MEIS2: variants seen among roughly 807,000 people sequenced by gnomAD.
The protein encoded by MEIS2 is homeobox protein Meis2.
MEIS2 carries 9 observed loss-of-function variants against 58.6 expected under a neutral mutation model. The observed-to-expected ratio is 0.15, with a 90% CI of 0.09 to 0.27. MEIS2 has a LOEUF of 0.27. Ranked by LOEUF, MEIS2 falls within the 10% of genes least tolerant of loss-of-function variation. MEIS2 has a pLI of 1.00. For synonymous variants in MEIS2, 221 were observed against 228.4 expected, an observed-to-expected ratio of 0.97 and a Z score of 0.29; for missense variants, 427 against 635.0, an observed-to-expected ratio of 0.67 and a Z score of 3.52.
At chr15:37,049,270 A>C (rs1373651364) in intron 7 of MEIS2, among the ~76,000 whole-genome samples, 2 of 152,210 alleles carry the variant, frequency 1.3e-5, no homozygotes, top group Non-Finnish European at 2.9e-5. Flanking sequence ...GCAGACACTG[A>C]GGCCCTATAA....
chr15:36,934,363 T>C lies in MEIS2; in HGVS notation c.977+15961A>G, dbSNP rs191404261. 2.6e-5 allele frequency among the ~76,000 whole-genome samples: 4 copies of C among 150,944 alleles called. No homozygotes were observed. The Admixed American group carries it at 2.7e-4, about 10-fold the overall frequency. On this transcript the variant is annotated intron_variant, in intron 9 of 11. Coordinates refer to ENST00000561208, the MANE Select transcript of MEIS2 (RefSeq NM_170675.5). ...AGCTTTAACATTCAAAGGAGGGAGGTAGGGGGAAAAGAAGCTTTTTTAAGT... is the reference window on the plus strand; with the variant it reads ...AGCTTTAACATTCAAAGGAGGGAGGCAGGGGGAAAAGAAGCTTTTTTAAGT...
At chr15:36,986,657 C>T (rs1382120216) in intron 8 of MEIS2, among the ~76,000 whole-genome samples, 1 of 152,200 alleles carries the variant, frequency 6.6e-6, no homozygotes, top group Non-Finnish European at 1.5e-5. Flanking sequence ...CTTCCTTTCT[C>T]AGAGGACCGA....
chr15:37,021,508 A>T (rs1176448163), intron 8 of MEIS2, among the ~76,000 whole-genome samples: 1 of 152,202 alleles, frequency 6.6e-6, no homozygotes, highest in Non-Finnish European at 1.5e-5. Context: ...TTCCAATGTT[A>T]TCCATCTCTA....
intron 8 of MEIS2, among the ~76,000 whole-genome samples, chr15:36,983,148 T>G (rs2059984425): frequency 6.6e-6 from 1 of 152,130 alleles, no homozygotes; most frequent in South Asian, 2.1e-4. Flanking sequence ...CCTGTTTAGT[T>G]TGATGCAATT....
At chr15:37,027,890 C>G (rs1202309615) in intron 8 of MEIS2, among the ~76,000 whole-genome samples, 1 of 152,058 alleles carries the variant, frequency 6.6e-6, no homozygotes, top group African/African-American at 2.4e-5. Flanking sequence ...TATCAACACC[C>G]CCTACCGGAG....
chr15:37,034,633 C>A (rs558093934), intron 8 of MEIS2, among the ~76,000 whole-genome samples: 1 of 152,304 alleles, frequency 6.6e-6, no homozygotes, highest in African/African-American at 2.4e-5. Flanking sequence ...GTATTAAGGG[C>A]TCCTGACACT....
At chr15:36,932,698 T>C (rs930094579) in intron 9 of MEIS2, among the ~76,000 whole-genome samples, 1 of 151,918 alleles carries the variant, frequency 6.6e-6, no homozygotes, top group African/African-American at 2.4e-5. Flanking sequence ...GTCTTCTGTC[T>C]GTCTATATGT....
intron 8 of MEIS2, among the ~76,000 whole-genome samples, chr15:37,004,879 G>T (rs2060860348): frequency 6.6e-6 from 1 of 152,284 alleles, no homozygotes; most frequent in South Asian, 2.1e-4. Flanking sequence ...AATGTTTGAG[G>T]TGATGGATAT....
chr15:37,094,086 G>T (rs946806831), intron 5 of MEIS2: 2 of 234,728 alleles, frequency 8.5e-6, no homozygotes, highest in South Asian at 1.5e-4. Flanking sequence ...GAGCATTAAC[G>T]TTTGTGATTT....
intron 9 of MEIS2, among the ~76,000 whole-genome samples, chr15:36,944,155 T>C (rs2058473596): frequency 6.6e-6 from 1 of 152,058 alleles, no homozygotes; most frequent in South Asian, 2.1e-4. Context: ...TGGTATGCCA[T>C]GTGTCAATGC....
At chr15:37,082,556 A>T (rs781542939) in intron 7 of MEIS2, among the ~76,000 whole-genome samples, 2 of 152,130 alleles carry the variant, frequency 1.3e-5, no homozygotes, top group Non-Finnish European at 2.9e-5. Flanking sequence ...CTTATAATTT[A>T]CTTATCTTTT....
intron 8 of MEIS2, among the ~76,000 whole-genome samples, chr15:37,013,166 G>A (rs1412596265): frequency 3.3e-5 from 5 of 152,128 alleles, no homozygotes; most frequent in Non-Finnish European, 7.3e-5. Context: ...GTGCCAGATG[G>A]CACCTTACAG....
chr15:36,999,554 C>G (rs539154712), intron 8 of MEIS2, among the ~76,000 whole-genome samples: 49 of 152,304 alleles, frequency 3.2e-4, no homozygotes, highest in African/African-American at 1.2e-3. Flanking sequence ...ATGGTAGCAA[C>G]TTGACCCATC....
At chr15:37,027,823 G>C (rs765420265) in intron 8 of MEIS2, among the ~76,000 whole-genome samples, 6 of 151,738 alleles carry the variant, frequency 4.0e-5, no homozygotes, top group Non-Finnish European at 7.4e-5. Flanking sequence ...AAAACTGAGA[G>C]GAAGGTACAG....
chr15:36,931,951 T>G (rs1004007844), intron 9 of MEIS2, among the ~76,000 whole-genome samples: 1 of 152,176 alleles, frequency 6.6e-6, no homozygotes, highest in African/African-American at 2.4e-5. Context: ...AGAGGGACGC[T>G]AAGGTGGTGA....
At chr15:37,025,192 A>G (rs1235970189) in intron 8 of MEIS2, among the ~76,000 whole-genome samples, 2 of 152,216 alleles carry the variant, frequency 1.3e-5, no homozygotes, top group Non-Finnish European at 2.9e-5. Flanking sequence ...AACTATTTCA[A>G]TGGATTATAT....
chr15:37,031,118 G>A (rs2061903383), intron 8 of MEIS2, among the ~76,000 whole-genome samples: 1 of 152,152 alleles, frequency 6.6e-6, no homozygotes, highest in African/African-American at 2.4e-5. Context: ...CAGGCACAGG[G>A]CTGAGTACTT....
chr15:36,966,434 T>C (rs952945772), intron 8 of MEIS2, among the ~76,000 whole-genome samples: 3 of 152,324 alleles, frequency 2.0e-5, no homozygotes, highest in African/African-American at 4.8e-5. Context: ...ACGAGTATTA[T>C]GGCTAAAAGT....
intron 8 of MEIS2, among the ~76,000 whole-genome samples, chr15:36,958,625 T>G (rs1365148180): frequency 1.3e-5 from 2 of 152,206 alleles, no homozygotes; most frequent in African/African-American, 2.4e-5. Context: ...AATATAATTA[T>G]TTTCCTATTG....
Sources: gnomAD v4.1 joint callset for allele counts (sites outside exome capture counted in the v4.1 genomes callset) on GRCh38, gnomAD v4.1.1 for gene constraint, MANE v1.5 for transcripts, NCBI Gene and HGNC (gene_info 2026-07-23, HGNC 2026-07-21) for gene names.